The following ATP8A2 variants were observed in gnomAD, a reference collection of about 807,000 sequenced individuals.
ATP8A2 encodes the protein ATPase phospholipid transporting 8A2, also known as phospholipid-transporting ATPase IB.
ATP8A2 carries 100 observed loss-of-function variants against 165.6 expected under a neutral mutation model. That is an observed-to-expected ratio of 0.60 (90% CI 0.51 to 0.71). The LOEUF (loss-of-function observed/expected upper bound fraction) is 0.71, where lower values mean the gene tolerates loss of function less well. ATP8A2 is among the 30% of genes least tolerant of loss of function. The probability of loss-of-function intolerance (pLI) is 0.00; values close to 1 mark genes in which losing one functional copy is unlikely to be tolerated. For missense variants in ATP8A2, 1,227 were observed against 1,479.5 expected, an observed-to-expected ratio of 0.83 and a Z score of 2.80; for synonymous variants, 543 against 548.8, an observed-to-expected ratio of 0.99 and a Z score of 0.15.
chr13:25,560,700 C>CAAAAA, intron 15 of ATP8A2, among the ~76,000 whole-genome samples: 1 of 63,288 alleles, frequency 1.6e-5, no homozygotes, highest in Non-Finnish European at 2.9e-5. Flanking sequence ...ACTCTTGTCT[C>CAAAAA]AAAAAAAAAA....
intron 27 of ATP8A2, among the ~76,000 whole-genome samples, chr13:25,825,451 G>A (rs997349725): frequency 2.0e-5 from 3 of 151,912 alleles, no homozygotes; most frequent in African/African-American, 7.3e-5. Flanking sequence ...AAGTCACTAT[G>A]CCCAGGCTCT....
intron 27 of ATP8A2, among the ~76,000 whole-genome samples, chr13:25,793,449 C>T (rs180829058): frequency 1.4e-4 from 22 of 152,218 alleles, no homozygotes; most frequent in Middle Eastern, 3.4e-3. Context: ...TTTTATTTAT[C>T]TAGATTAGGC....
intron 10 of ATP8A2, among the ~76,000 whole-genome samples, chr13:25,550,813 G>T (rs1171923763): frequency 6.6e-6 from 1 of 152,086 alleles, no homozygotes; most frequent in Non-Finnish European, 1.5e-5. Flanking sequence ...GTTCTGTTTT[G>T]CATTATTGAT....
chr13:25,508,470 A>G (rs1429178948), intron 2 of ATP8A2, among the ~76,000 whole-genome samples: 1 of 152,260 alleles, frequency 6.6e-6, no homozygotes, highest in Admixed American at 6.5e-5. Context: ...ATTATGGAAA[A>G]TTATATCACC....
intron 33 of ATP8A2, among the ~76,000 whole-genome samples, chr13:25,961,313 G>A (rs1041448824): frequency 6.6e-5 from 10 of 152,150 alleles, no homozygotes; most frequent in African/African-American, 2.4e-4. Flanking sequence ...CATCCTGTTC[G>A]GAAGGGGCTT....
chr13:25,804,817 T>C (rs1950695405), intron 27 of ATP8A2, among the ~76,000 whole-genome samples: 1 of 151,992 alleles, frequency 6.6e-6, no homozygotes, highest in Non-Finnish European at 1.5e-5. Flanking sequence ...AAAATCAGAG[T>C]CTCTGCCCAA....
intron 33 of ATP8A2, among the ~76,000 whole-genome samples, chr13:25,905,376 ACT>A (rs1953905446): frequency 6.6e-6 from 1 of 152,268 alleles, no homozygotes; most frequent in African/African-American, 2.4e-5. Flanking sequence ...CTTAACGGAC[ACT>A]GATTCTGCTC....
At chr13:25,899,438 G>A (rs1216268440) in intron 33 of ATP8A2, among the ~76,000 whole-genome samples, 1 of 152,202 alleles carries the variant, frequency 6.6e-6, no homozygotes, top group Non-Finnish European at 1.5e-5. Context: ...ATGCATACGG[G>A]TGTCTGGTAT....
chr13:25,803,167 T>A (rs1950657573), intron 27 of ATP8A2, among the ~76,000 whole-genome samples: 1 of 152,188 alleles, frequency 6.6e-6, no homozygotes, highest in Non-Finnish European at 1.5e-5. Flanking sequence ...AGGAGAGCAG[T>A]TCTTGGATAC....
chr13:25,851,572 G>A (rs1426423350), intron 30 of ATP8A2, among the ~76,000 whole-genome samples: 4 of 145,788 alleles, frequency 2.7e-5, no homozygotes, highest in African/African-American at 7.6e-5. Context: ...GACAGAGTGT[G>A]ACTCTGTCTC....
At chr13:25,558,813 G>A (rs12876774) in intron 13 of ATP8A2, among the ~76,000 whole-genome samples, 160 bp from the exon 14 acceptor site, 88,602 of 152,040 alleles carry the variant, frequency 0.58, 26,885 homozygotes, top group Non-Finnish European at 0.64. Flanking sequence ...AGTGGTCTAA[G>A]CATTAAAATA....
At chr13:25,467,683 C>A (rs1380902355) in intron 1 of ATP8A2, among the ~76,000 whole-genome samples, 1 of 152,086 alleles carries the variant, frequency 6.6e-6, no homozygotes, top group African/African-American at 2.4e-5. Context: ...TCCCGCGTAG[C>A]TGGGCCTACA....
rs187057502 is a variant in ATP8A2, at chr13:25,401,677, C to T, written c.76+29389C>T. ...TATTCATGGGGTGCACATTCCAAGA[C>T]ACCCAGTAGGTACCGGAAACCTCGG... On this transcript the variant is annotated intron_variant, in intron 1 of 36. Transcript: ENST00000381655. Among the ~76,000 whole-genome samples, 82 of 152,248 alleles carry T rather than the reference C, an allele frequency of 5.4e-4. No homozygotes were observed. The Middle Eastern group carries it at 0.01, about 19-fold the overall frequency.
At chr13:25,959,487 G>A (rs913239903) in intron 33 of ATP8A2, among the ~76,000 whole-genome samples, 4 of 152,216 alleles carry the variant, frequency 2.6e-5, no homozygotes, top group Non-Finnish European at 5.9e-5. Context: ...CTACAAAAAT[G>A]ATGGTATCTA....
intron 2 of ATP8A2, among the ~76,000 whole-genome samples, chr13:25,504,940 G>C (rs9578870): frequency 1.3e-5 from 2 of 152,006 alleles, no homozygotes; most frequent in Admixed American, 1.3e-4. Context: ...TATTAACTTC[G>C]GTTTGTATTC....
intron 27 of ATP8A2, among the ~76,000 whole-genome samples, chr13:25,802,465 C>G (rs897236953): frequency 2.0e-5 from 3 of 152,152 alleles, no homozygotes; most frequent in African/African-American, 7.2e-5. Context: ...TTAGGAAATA[C>G]AGTAATCCTA....
At chr13:25,859,620 T>C (rs1000720183) in intron 30 of ATP8A2, among the ~76,000 whole-genome samples, 1 of 152,174 alleles carries the variant, frequency 6.6e-6, no homozygotes, top group Non-Finnish European at 1.5e-5. Flanking sequence ...TCTTCTATTT[T>C]CTAAACTTCT....
intron 35 of ATP8A2, among the ~76,000 whole-genome samples, chr13:26,002,450 A>G (rs1566342891): frequency 1.3e-5 from 2 of 152,168 alleles, no homozygotes; most frequent in South Asian, 4.2e-4. Flanking sequence ...AGCATCAGGA[A>G]AAATACCTAA....
intron 1 of ATP8A2, among the ~76,000 whole-genome samples, chr13:25,398,845 A>G (rs1051556093): frequency 6.6e-6 from 1 of 152,184 alleles, no homozygotes; most frequent in African/African-American, 2.4e-5. Context: ...TGACCAAGAA[A>G]GACTTCATGA....
Sources: allele counts gnomAD v4.1 joint callset (sites outside exome capture counted in the v4.1 genomes callset), GRCh38; gene constraint gnomAD v4.1.1; transcripts MANE v1.5; gene names NCBI Gene and HGNC (gene_info 2026-07-23, HGNC 2026-07-21).